The following NRG3 variants were observed in gnomAD, a reference collection of about 807,000 sequenced individuals.
The protein encoded by NRG3 is pro-neuregulin-3, membrane-bound isoform.
NRG3 carries 31 observed loss-of-function variants against 66.9 expected under a neutral mutation model. The observed-to-expected ratio is 0.46, with a 90% CI of 0.35 to 0.63. The LOEUF (loss-of-function observed/expected upper bound fraction) is 0.63, where lower values mean the gene tolerates loss of function less well. Ranked by LOEUF, NRG3 falls within the 20% of genes least tolerant of loss-of-function variation. The pLI is 0.00. For missense variants in NRG3, 910 were observed against 878.9 expected, an observed-to-expected ratio of 1.04 and a Z score of -0.45; for synonymous variants, 393 against 359.4, an observed-to-expected ratio of 1.09 and a Z score of -1.06.
chr10:82,650,707 C>T (rs2133886541), intron 2 of NRG3, among the ~76,000 whole-genome samples: 1 of 152,338 alleles, frequency 6.6e-6, no homozygotes, highest in East Asian at 1.9e-4. Flanking sequence ...GTTTGAGGTA[C>T]ATATTTTTTC....
rs1175663233 is a variant in NRG3 at position 82,324,334 on chromosome 10, G to T, written c.824-34405G>T. 2.6e-5 allele frequency among the ~76,000 whole-genome samples: 4 copies of T among 152,084 alleles called. No homozygotes were observed. The East Asian group carries it at 5.8e-4, about 22-fold the overall frequency. On this transcript the variant is annotated intron_variant, in intron 1 of 8. Coordinates refer to ENST00000372141, the MANE Select transcript of NRG3 (RefSeq NM_001010848.4). ...TTCCCTACCCTCGTCACTCTTGATA[G>T]AATCAATTTTATTAATGTTCTCAAA...
intron 1 of NRG3, among the ~76,000 whole-genome samples, chr10:82,288,471 G>A (rs1056781568): frequency 2.0e-5 from 3 of 152,166 alleles, no homozygotes; most frequent in Admixed American, 6.5e-5. Context: ...GGCTCAGGCA[G>A]TAGGAGCCGG....
At position 82,985,448 on chromosome 10, in the gene NRG3, G is replaced by C. The variant is rs1454293198; in HGVS notation, c.1934G>C (p.Arg645Thr). ...QEQIRILTDA[R>T]RSEDYELASV... ...CAGATCCGAATTCTGACTGATGCCA[G>C]ACGGTCAGAAGACTACGAACTGGCC... Residue 645 changes from arginine to threonine, a missense_variant, in exon 9 of 9, where the codon AGA (arginine) becomes ACA (threonine). By Grantham distance (71) the Arg-to-Thr change is moderately conservative. Coordinates refer to ENST00000372141, the MANE Select transcript of NRG3 (RefSeq NM_001010848.4). 1.9e-6 allele frequency: 3 copies of C among 1,613,998 alleles called. No individual in the cohort carries two copies. In the African/African-American group the frequency reaches 4.0e-5, roughly 22 times the overall value.
chr10:82,347,006 C>CA (rs1226004035), intron 1 of NRG3, among the ~76,000 whole-genome samples: 4 of 151,476 alleles, frequency 2.6e-5, no homozygotes, highest in South Asian at 2.1e-4. Context: ...TTGATCCTTT[C>CA]AAAAAAACCA....
chr10:82,957,008 G>A (rs1314017942), intron 5 of NRG3, among the ~76,000 whole-genome samples: 1 of 152,004 alleles, frequency 6.6e-6, no homozygotes, highest in Non-Finnish European at 1.5e-5. Flanking sequence ...AATGGGTAAT[G>A]AAGCTCAAAG....
chr10:82,348,367 C>A (rs1337544403), intron 1 of NRG3, among the ~76,000 whole-genome samples: 3 of 145,542 alleles, frequency 2.1e-5, no homozygotes, highest in South Asian at 2.2e-4. Flanking sequence ...GTTGAAAATT[C>A]TTTTCTTTAA....
chr10:82,391,658 G>A (rs1015282236), intron 2 of NRG3, among the ~76,000 whole-genome samples: 4 of 152,164 alleles, frequency 2.6e-5, no homozygotes, highest in Non-Finnish European at 4.4e-5. Flanking sequence ...TCATGCAGAT[G>A]AGGATAATGC....
chr10:82,894,603 T>A (rs1010536665), intron 4 of NRG3, among the ~76,000 whole-genome samples: 3 of 152,196 alleles, frequency 2.0e-5, no homozygotes, highest in Non-Finnish European at 2.9e-5. Context: ...GCCTCTCACA[T>A]CTTTTTGTAT....
intron 4 of NRG3, among the ~76,000 whole-genome samples, chr10:82,900,636 C>T (rs974091416): frequency 3.9e-5 from 6 of 152,052 alleles, no homozygotes; most frequent in African/African-American, 1.2e-4. Flanking sequence ...CTTTTGCATG[C>T]GTTATTTCAT....
intron 1 of NRG3, among the ~76,000 whole-genome samples, chr10:82,193,611 A>T (rs2074284261): frequency 6.6e-6 from 1 of 152,134 alleles, no homozygotes; most frequent in South Asian, 2.1e-4. Context: ...AAGTGGAGTG[A>T]TTAGAAGAAC....
In NRG3 at chr10:82,938,504, C is replaced by A. The variant is rs182469751; in HGVS notation, c.1055-12965C>A. Among the ~76,000 whole-genome samples the A allele has an allele frequency of 1.2e-3, 176 of 152,364 alleles. 1 individual carries two copies. The highest frequency in any genetic ancestry group is 9.3e-3 in the Admixed American group (143 of 15,306). ...CCTGGGAAGTCAAATAGCCACAGGG[C>A]TCTCAGCCTGCGCACCTATGCAAAG... On this transcript the variant is annotated intron_variant, in intron 4 of 8. Transcript: ENST00000372141.
intron 1 of NRG3, chr10:81,889,293 G>C (rs372617458): frequency 6.6e-6 from 1 of 152,146 alleles, no homozygotes; most frequent in Non-Finnish European, 1.5e-5. Flanking sequence ...TTTTGGAATT[G>C]AATGCTGACA....
intron 2 of NRG3, among the ~76,000 whole-genome samples, chr10:82,413,841 T>G (rs1363366910): frequency 1.3e-5 from 2 of 152,188 alleles, no homozygotes; most frequent in African/African-American, 4.8e-5. Flanking sequence ...GGTTCCCAAC[T>G]TTTCTTCTGC....
intron 3 of NRG3, among the ~76,000 whole-genome samples, chr10:82,823,147 A>T (rs1339649730): frequency 1.3e-5 from 2 of 152,112 alleles, no homozygotes; most frequent in Non-Finnish European, 2.9e-5. Flanking sequence ...CTCCTCTGAG[A>T]GCCAAGGATG....
chr10:82,347,015 C>T (rs907940432), intron 1 of NRG3, among the ~76,000 whole-genome samples: 7 of 151,736 alleles, frequency 4.6e-5, no homozygotes, highest in Admixed American at 3.3e-4. Flanking sequence ...TCAAAAAAAC[C>T]AGCTCCTGGA....
intron 2 of NRG3, among the ~76,000 whole-genome samples, chr10:82,734,498 C>A (rs998270394): frequency 6.6e-6 from 1 of 152,072 alleles, no homozygotes; most frequent in Non-Finnish European, 1.5e-5. Context: ...GGCCCTGAGG[C>A]TTATCAACCT....
chr10:82,396,856 A>G (rs1564876171), intron 2 of NRG3, among the ~76,000 whole-genome samples: 1 of 152,094 alleles, frequency 6.6e-6, no homozygotes, highest in African/African-American at 2.4e-5. Context: ...CTTTTTTCCT[A>G]TAAAGGTAAT....
intron 2 of NRG3, among the ~76,000 whole-genome samples, chr10:82,558,559 C>T (rs1311975805): frequency 6.6e-6 from 1 of 152,082 alleles, no homozygotes; most frequent in Non-Finnish European, 1.5e-5. Context: ...GATTGCATTA[C>T]ATTAAGTACT....
At chr10:81,947,322 C>T (rs2133153389) in intron 1 of NRG3, among the ~76,000 whole-genome samples, 1 of 152,222 alleles carries the variant, frequency 6.6e-6, no homozygotes, top group East Asian at 1.9e-4. Flanking sequence ...TCTCTAAAGA[C>T]CTCATTTCCA....
Sources: gnomAD v4.1 joint callset for allele counts (sites outside exome capture counted in the v4.1 genomes callset) on GRCh38, gnomAD v4.1.1 for gene constraint, MANE v1.5 for transcripts, NCBI Gene and HGNC (gene_info 2026-07-23, HGNC 2026-07-21) for gene names.